NTNG2: variants seen among roughly 807,000 people sequenced by gnomAD.
NTNG2 encodes the protein netrin-G2.
A neutral mutation model predicts 47.6 loss-of-function variants in NTNG2; 15 were observed. The observed-to-expected ratio is 0.32, with a 90% CI of 0.21 to 0.49. The LOEUF (loss-of-function observed/expected upper bound fraction) is 0.49, where lower values mean the gene tolerates loss of function less well. Among genes scored for constraint, NTNG2 ranks in the 20% least tolerant of loss-of-function variants. The pLI, the probability that NTNG2 is intolerant of heterozygous loss-of-function variation, is 0.99. For missense variants in NTNG2, 578 were observed against 764.6 expected, an observed-to-expected ratio of 0.76 and a Z score of 2.88; for synonymous variants, 307 against 324.6, an observed-to-expected ratio of 0.95 and a Z score of 0.58.
At position 132,231,279 on chromosome 9, in the gene NTNG2, C is replaced by T. The variant is rs1017192507; in HGVS notation, c.1054+684C>T. On this transcript the variant is annotated intron_variant, in intron 5 of 7. Transcript: ENST00000393229. This position sits in a 1 kb window ranked among gnomAD's most constrained non-coding sequence, Gnocchi z 4.1. ...CCAGACACTCACAGGGTGCCAGGCACGGTCTCTCCTTTCAGCCTTGCAAAC... is the reference window on the plus strand; with the variant it reads ...CCAGACACTCACAGGGTGCCAGGCATGGTCTCTCCTTTCAGCCTTGCAAAC... 3 of 456,114 alleles carry T rather than the reference C, an allele frequency of 6.6e-6. No individual in the cohort carries two copies. The highest frequency in any genetic ancestry group is 2.4e-5 in the Admixed American group (1 of 42,524). The allele number at this position is 456,114 out of a possible 1,614,324, so 28.3% of individuals were successfully genotyped here.
rs1564439474 is a variant in NTNG2, at chr9:132,230,557, GTC to G, written c.1031-8_1031-7del. The G allele has an allele frequency of 3.8e-6, 6 of 1,599,222 alleles. No homozygotes were observed. In the South Asian group the frequency reaches 6.8e-5, roughly 18 times the overall value. The stretch of plus-strand genomic sequence containing the variant: ...CCCCTGGGGCAGCCAGCTCACGCCC[GTC>G]TCTCTCCCACAGGTGCCACTGCAGG... On this transcript the variant is annotated splice_polypyrimidine_tract_variant and intron_variant, in intron 4 of 7. Coordinates refer to ENST00000393229, the MANE Select transcript of NTNG2 (RefSeq NM_032536.4).
At position 132,189,066 on chromosome 9, in the gene NTNG2, TTC is replaced by T. The variant is rs1462246086; in HGVS notation, c.214-8898_214-8897del. Among the ~76,000 whole-genome samples the T allele has an allele frequency of 4.8e-4, 56 of 116,966 alleles. 1 individual carries two copies. The highest frequency in any genetic ancestry group is 6.0e-4 in the Non-Finnish European group (32 of 53,192). The allele number at this position is 116,966 out of a possible 152,430, so 76.7% of individuals were successfully genotyped here. A position where few individuals can be genotyped will look rare whatever the true frequency, so the allele number is the denominator to read the frequency against. On this transcript the variant is annotated intron_variant, in intron 2 of 7. Coordinates refer to ENST00000393229, the MANE Select transcript of NTNG2 (RefSeq NM_032536.4). ...TTTATGTGAAAAAGGCTTTAAGCCT[TTC>T]TTTTTTTTTTTTTTTTTTTTTTTTT...
chr9:132,166,610 C>CAGCA lies in NTNG2; in HGVS notation c.-221_-218dup, dbSNP rs1425576459. 3.4e-6 allele frequency: 2 copies of CAGCA among 581,804 alleles called. No homozygotes were observed. Among genetic ancestry groups the CAGCA allele is most frequent in the Non-Finnish European group, 6.2e-6 (2 of 325,002 alleles). The allele number at this position is 581,804 out of a possible 1,614,324, so 36.0% of individuals were successfully genotyped here. ...ATGGGCAACTTTCTGATCTGTCCAT[C>CAGCA]AGCAGTCTGAGAAACGCTGGCTCTG... On this transcript the variant is annotated 5_prime_UTR_variant, in exon 2 of 8. It removes the in-frame stop codon of an upstream open reading frame in the 5' UTR. Coordinates refer to ENST00000393229, the MANE Select transcript of NTNG2 (RefSeq NM_032536.4).
intron 2 of NTNG2, among the ~76,000 whole-genome samples, chr9:132,181,868 G>T (rs1465931102): frequency 6.6e-6 from 1 of 152,244 alleles, no homozygotes; most frequent in Non-Finnish European, 1.5e-5. Context: ...TGGGCCGCCC[G>T]GCCCGGCATC....
At chr9:132,174,376 G>A (rs79867980) in intron 2 of NTNG2, among the ~76,000 whole-genome samples, 12 of 129,608 alleles carry the variant, frequency 9.3e-5, no homozygotes, top group South Asian at 5.4e-4. Flanking sequence ...ACAGATGGAC[G>A]GACGGACAGA....
intron 2 of NTNG2, among the ~76,000 whole-genome samples, chr9:132,187,304 C>G (rs531311589): frequency 6.6e-6 from 1 of 152,220 alleles, no homozygotes; most frequent in Non-Finnish European, 1.5e-5. Flanking sequence ...ATTGCTCCAA[C>G]CAGAAAACAA....
In NTNG2 at chr9:132,206,560, G is replaced by A. The variant is rs187576531; in HGVS notation, c.857+7951G>A. 3.7e-4 allele frequency among the ~76,000 whole-genome samples: 57 copies of A among 152,308 alleles called. 1 individual carries two copies. The highest frequency in any genetic ancestry group is 1.3e-3 in the African/African-American group (54 of 41,564). On this transcript the variant is annotated intron_variant, in intron 3 of 7. Transcript: ENST00000393229. ...CGTGCACCTGTAATCCCAGCTACTC[G>A]GGAGGCTGAGGCAGGAGAATCACTT...
At chr9:132,200,472 T>C (rs1838660446) in intron 3 of NTNG2, among the ~76,000 whole-genome samples, 1 of 152,262 alleles carries the variant, frequency 6.6e-6, no homozygotes, top group African/African-American at 2.4e-5. Context: ...TTCTGCGTCT[T>C]GAACAGACAT....
intron 2 of NTNG2, among the ~76,000 whole-genome samples, chr9:132,168,060 C>T (rs1042015144): frequency 1.2e-4 from 19 of 152,206 alleles, no homozygotes; most frequent in African/African-American, 4.3e-4. Context: ...AGTAAGTGCA[C>T]GCAGATGTTA....
Position 132,243,034 on chromosome 9 carries a change from T to G in NTNG2, c.*923T>G, listed in dbSNP as rs1264285095. On this transcript the variant is annotated 3_prime_UTR_variant, in exon 8 of 8. Coordinates refer to ENST00000393229, the MANE Select transcript of NTNG2 (RefSeq NM_032536.4). ...TTCCACCCCGCGGCCAGGCTGCAGG[T>G]GCCCCACCTGTTAGGAGCCTCCCCA... The G allele has an allele frequency of 6.6e-6, 1 of 151,308 alleles. No homozygotes were observed. The highest frequency in any genetic ancestry group is 2.4e-5 in the African/African-American group (1 of 41,170). 9.4% of individuals were successfully genotyped at this position (151,308 alleles called of 1,614,324 possible).
At chr9:132,203,386 G>A (rs953981525) in intron 3 of NTNG2, among the ~76,000 whole-genome samples, 1 of 152,006 alleles carries the variant, frequency 6.6e-6, no homozygotes, top group Non-Finnish European at 1.5e-5. Context: ...AAAATAATGA[G>A]AAGAAGATAA....
rs1461403677 is a variant in NTNG2 at position 132,163,673 on chromosome 9, C to T, written c.-484+1434C>T. On this transcript the variant is annotated intron_variant, in intron 1 of 7. Transcript: ENST00000393229. This position sits in a 1 kb window ranked among gnomAD's most constrained non-coding sequence, Gnocchi z 7.2. ...CCCCCAGCGCCCTCCCTCCCGTGCC[C>T]CCAGGGGCCCCGCGCCCGCCGCGGC... Among the ~76,000 whole-genome samples the T allele has an allele frequency of 2.6e-5, 4 of 151,970 alleles. No individual in the cohort carries two copies. The highest frequency in any genetic ancestry group is 1.5e-5 in the Non-Finnish European group (1 of 67,952).
Position 132,198,589 on chromosome 9 carries a change from C to A in NTNG2, c.837C>A (p.Ser279=). The part of the protein sequence containing the change: ...ENLYKYFYAI[S]NIEVIGRCKC... ...TCTACAAGTACTTCTACGCCATCTC[C>A]AACATCGAGGTCATCGGCAGGTAAG... Residue 279 remains serine (S), a synonymous_variant, in exon 3 of 8, where the codon TCC becomes TCA. Coordinates refer to ENST00000393229, the MANE Select transcript of NTNG2 (RefSeq NM_032536.4). The A allele has an allele frequency of 1.2e-6, 2 of 1,608,960 alleles. No homozygotes were observed. The highest frequency in any genetic ancestry group is 1.1e-5 in the South Asian group (1 of 90,982).
intron 2 of NTNG2, among the ~76,000 whole-genome samples, chr9:132,188,232 A>G (rs1589415376): frequency 2.0e-5 from 3 of 152,042 alleles, no homozygotes; most frequent in Admixed American, 2.0e-4. Flanking sequence ...CCAGCCTTCC[A>G]CCTTGTATGC....
intron 2 of NTNG2, among the ~76,000 whole-genome samples, chr9:132,175,510 A>AC: frequency 6.6e-6 from 1 of 152,236 alleles, no homozygotes; most frequent in East Asian, 1.9e-4. Context: ...TGTGGCCAGC[A>AC]CTGATGCAGG....
chr9:132,189,647 A>T (rs919833698), intron 2 of NTNG2, among the ~76,000 whole-genome samples: 6 of 149,926 alleles, frequency 4.0e-5, no homozygotes, highest in Non-Finnish European at 7.4e-5. Flanking sequence ...CTTAAAAAAA[A>T]TTTTTTTTTT....
chr9:132,204,230 G>A (rs940955175), intron 3 of NTNG2, among the ~76,000 whole-genome samples: 16 of 152,150 alleles, frequency 1.1e-4, no homozygotes, highest in East Asian at 3.9e-4. Context: ...GGCCAAGCCC[G>A]GCTCCTGCAG....
chr9:132,207,359 C>T (rs982718077), intron 3 of NTNG2, among the ~76,000 whole-genome samples: 7 of 152,184 alleles, frequency 4.6e-5, no homozygotes, highest in African/African-American at 9.7e-5. Flanking sequence ...CCATACCCTC[C>T]GCCCTCCGCT....
intron 3 of NTNG2, among the ~76,000 whole-genome samples, chr9:132,199,611 C>T (rs1169547452): frequency 6.6e-6 from 1 of 152,178 alleles, no homozygotes; most frequent in Non-Finnish European, 1.5e-5. Context: ...ATCTGGCTGG[C>T]CTTTGGCTCC....
Sources: allele counts gnomAD v4.1 joint callset (sites outside exome capture counted in the v4.1 genomes callset), GRCh38; gene constraint gnomAD v4.1.1; non-coding constraint Gnocchi (gnomAD v3.1); transcripts MANE v1.5; gene names NCBI Gene and HGNC (gene_info 2026-07-23, HGNC 2026-07-21).